The following FOSB variants were observed in gnomAD, a reference collection of about 807,000 sequenced individuals.
FOSB encodes protein FosB.
In FOSB, 8 loss-of-function variants were observed where a neutral mutation model predicts 31.1. The observed-to-expected ratio is 0.26, with a 90% confidence interval of 0.15 to 0.46. FOSB has a LOEUF of 0.46. FOSB is among the 20% of genes least tolerant of loss of function. The probability of loss-of-function intolerance (pLI) is 0.99; values close to 1 mark genes in which losing one functional copy is unlikely to be tolerated. For synonymous variants in FOSB, 214 were observed against 206.1 expected, an observed-to-expected ratio of 1.04 and a Z score of -0.33; for missense variants, 376 against 460.6, an observed-to-expected ratio of 0.82 and a Z score of 1.68.
rs376676928 is a variant in FOSB, at chr19:45,470,984, G to A, written c.447+35G>A. 4 of 1,600,662 alleles carry A rather than the reference G, an allele frequency of 2.5e-6. No homozygotes were observed. In the African/African-American group the frequency reaches 4.0e-5, roughly 16 times the overall value. On this transcript the variant is annotated intron_variant, in intron 2 of 3. Transcript: ENST00000353609. ...GGACATCAGAACTTGGCCTGGGTAGGGGGAAGCAAGAGAGGCAGGAAGTTT... is the reference window on the plus strand; with the variant it reads ...GGACATCAGAACTTGGCCTGGGTAGAGGGAAGCAAGAGAGGCAGGAAGTTT...
chr19:45,468,385 G>A lies in FOSB; in HGVS notation c.-202G>A. The A allele has an allele frequency of 3.3e-6, 2 of 614,798 alleles. No individual in the cohort carries two copies. The highest frequency in any genetic ancestry group is 2.9e-6 in the Non-Finnish European group (1 of 349,084). The allele number at this position is 614,798 out of a possible 1,614,324, so 38.1% of individuals were successfully genotyped here. A position where few individuals can be genotyped will look rare whatever the true frequency, so the allele number is the denominator to read the frequency against. ...GGGGCCTGGGCACCGCAGGAAGACT[G>A]CACAGAAACTTTGCCATTGTTGGAA... On this transcript the variant is annotated 5_prime_UTR_variant, in exon 1 of 4. Coordinates refer to ENST00000353609, the MANE Select transcript of FOSB (RefSeq NM_006732.3). This position sits in a 1 kb window ranked among gnomAD's most constrained non-coding sequence, Gnocchi z 4.8.
Position 45,468,399 on chromosome 19 carries a change from C to T in FOSB, c.-188C>T, listed in dbSNP as rs940556205. The T allele has an allele frequency of 1.4e-4, 90 of 642,340 alleles. No individual in the cohort carries two copies. Among genetic ancestry groups the T allele is most frequent in the Non-Finnish European group, 1.9e-4 (71 of 367,776 alleles). The allele number at this position is 642,340 out of a possible 1,614,324, so 39.8% of individuals were successfully genotyped here. Reference sequence around the variant, plus strand: ...GCAGGAAGACTGCACAGAAACTTTGCCATTGTTGGAACGGGACGTTGCTCC... The same window carrying T: ...GCAGGAAGACTGCACAGAAACTTTGTCATTGTTGGAACGGGACGTTGCTCC... On this transcript the variant is annotated 5_prime_UTR_variant, in exon 1 of 4. Coordinates refer to ENST00000353609, the MANE Select transcript of FOSB (RefSeq NM_006732.3). The surrounding 1 kb of genome is among the most constrained non-coding windows in gnomAD (Gnocchi z 4.8).
Position 45,470,752 on chromosome 19 carries a change from G to A in FOSB, c.250G>A (p.Gly84Arg). Residue 84 changes from glycine (G) to arginine (R), a missense_variant, in exon 2 of 4, where the codon GGG becomes AGG. By Grantham distance (125) the Gly-to-Arg change is moderately radical (BLOSUM62 -2). Coordinates refer to ENST00000353609, the MANE Select transcript of FOSB (RefSeq NM_006732.3). Reference sequence around the variant, plus strand: ...CATCTCTTCCATGGCCCAGTCCCAGGGGCAGCCACTGGCCTCCCAGCCCCC... The same window carrying A: ...CATCTCTTCCATGGCCCAGTCCCAGAGGCAGCCACTGGCCTCCCAGCCCCC... ...TLISSMAQSQ[G>R]QPLASQPPVV... is the part of the protein sequence containing the mutation. 3.7e-6 allele frequency: 6 copies of A among 1,613,628 alleles called. No homozygotes were observed. Among genetic ancestry groups the A allele is most frequent in the Non-Finnish European group, 5.1e-6 (6 of 1,180,018 alleles).
rs761975465 is a variant in FOSB at position 45,471,184 on chromosome 19, C to T, written c.448-10C>T. ...CCCCAAATCTCATGGCCTCTATCTC[C>T]CTGACTCAGCTCACCCCAGAGGAAG... On this transcript the variant is annotated splice_polypyrimidine_tract_variant and intron_variant, in intron 2 of 3. Transcript: ENST00000353609. The T allele has an allele frequency of 3.2e-6, 5 of 1,554,872 alleles. No homozygotes were observed. In the South Asian group the frequency reaches 5.9e-5, roughly 18 times the overall value.
In FOSB at chr19:45,472,520, C is replaced by T; in HGVS notation, c.556-31C>T. ...ACATGCTTTTTTCTCCTTCCTCTCTCTCTTCTGTGACCTGGCCTCCCTGGC... is the reference window on the plus strand; with the variant it reads ...ACATGCTTTTTTCTCCTTCCTCTCTTTCTTCTGTGACCTGGCCTCCCTGGC... On this transcript the variant is annotated intron_variant, in intron 3 of 3. Transcript: ENST00000353609. This position sits in a 1 kb window ranked among gnomAD's most constrained non-coding sequence, Gnocchi z 5.4. 1 of 1,472,914 alleles carries T rather than the reference C, an allele frequency of 6.8e-7. No individual in the cohort carries two copies. The highest frequency in any genetic ancestry group is 2.4e-5 in the East Asian group (1 of 41,924). The allele number at this position is 1,472,914 out of a possible 1,614,324, so 91.2% of individuals were successfully genotyped here. A position where few individuals can be genotyped will look rare whatever the true frequency, so the allele number is the denominator to read the frequency against.
In FOSB at chr19:45,473,441, A is replaced by G. The variant is rs778090636; in HGVS notation, c.*429A>G. On this transcript the variant is annotated 3_prime_UTR_variant, in exon 4 of 4. Coordinates refer to ENST00000353609, the MANE Select transcript of FOSB (RefSeq NM_006732.3). ...GGAGTCCTCTCCAGAGAGGCTCAAC[A>G]AGGAAAAATGCCACTCCCTACCCAA... 14 of 178,818 alleles carry G rather than the reference A, an allele frequency of 7.8e-5. No homozygotes were observed. The highest frequency in any genetic ancestry group is 1.5e-4 in the Non-Finnish European group (13 of 85,388). 11.1% of individuals were successfully genotyped at this position (178,818 alleles called of 1,614,324 possible).
Position 45,471,221 on chromosome 19 carries a change from A to C in FOSB, c.475A>C (p.Arg159=). 2 of 1,566,968 alleles carry C rather than the reference A, an allele frequency of 1.3e-6. No individual in the cohort carries two copies. The highest frequency in any genetic ancestry group is 2.3e-5 in the South Asian group (2 of 85,118). Residue 159 remains arginine, a synonymous_variant, in exon 3 of 4, where the codon AGG becomes CGG. Coordinates refer to ENST00000353609, the MANE Select transcript of FOSB (RefSeq NM_006732.3). ...TLTPEEEEKR[R]VRRERNKLAA... is the part of the protein sequence containing the mutation. ...CACCCCAGAGGAAGAGGAGAAGCGA[A>C]GGGTGCGCCGGGAACGAAATAAACT...
intron 1 of FOSB, among the ~76,000 whole-genome samples, chr19:45,469,357 A>T (rs1411618860): frequency 1.3e-5 from 2 of 152,136 alleles, no homozygotes; most frequent in South Asian, 2.1e-4. Flanking sequence ...CGCCGGGGCC[A>T]CGTTGCTAAG....
Position 45,470,878 on chromosome 19 carries a change from A to G in FOSB, c.376A>G (p.Ser126Gly), listed in dbSNP as rs1436314809. The change falls in exon 2 of 4, where the codon AGC becomes GGC. Residue 126 changes from serine (S) to glycine (G), a missense_variant. Transcript: ENST00000353609. The part of the protein sequence containing the change: ...GASGSGGPST[S>G]GTTSGPGPAR... ...GAGTGGCAGTGGTGGGCCTTCCACC[A>G]GCGGAACTACCAGTGGGCCTGGGCC... The G allele has an allele frequency of 6.2e-7, 1 of 1,613,976 alleles. No homozygotes were observed. Among genetic ancestry groups the G allele is most frequent in the Non-Finnish European group, 8.5e-7 (1 of 1,180,022 alleles).
At chr19:45,471,336 T>A in intron 3 of FOSB, 35 bp downstream of exon 3, 1 of 1,400,468 alleles carries the variant, frequency 7.1e-7, no homozygotes, top group Non-Finnish European at 9.9e-7. Context: ...GAGGGGATGT[T>A]GAGGGGAGCT....
chr19:45,468,421 C>T lies in FOSB; in HGVS notation c.-166C>T, dbSNP rs930526962. ...TTGCCATTGTTGGAACGGGACGTTG[C>T]TCCTTCCCCGAGCTTCCCCGGACAG... On this transcript the variant is annotated 5_prime_UTR_variant, in exon 1 of 4. Transcript: ENST00000353609. The surrounding 1 kb of genome is among the most constrained non-coding windows in gnomAD (Gnocchi z 4.8). 2.6e-5 allele frequency: 19 copies of T among 721,010 alleles called. 1 individual carries two copies. The South Asian group carries it at 2.7e-4, about 10-fold the overall frequency. The allele number at this position is 721,010 out of a possible 1,614,324, so 44.7% of individuals were successfully genotyped here. A position where few individuals can be genotyped will look rare whatever the true frequency, so the allele number is the denominator to read the frequency against.
At position 45,471,199 on chromosome 19, in the gene FOSB, C is replaced by T. The variant is rs533059766; in HGVS notation, c.453C>T (p.Thr151=). The T allele has an allele frequency of 6.1e-5, 95 of 1,561,594 alleles. No individual in the cohort carries two copies. In the East Asian group the frequency reaches 2.1e-3, roughly 34 times the overall value. ...CCTCTATCTCCCTGACTCAGCTCAC[C>T]CCAGAGGAAGAGGAGAAGCGAAGGG... ...RPRRPREETL[T]PEEEEKRRVR... The change falls in exon 3 of 4, where the codon ACC becomes ACT. Residue 151 remains threonine (T), a synonymous_variant. Transcript: ENST00000353609.
rs1967703187 is a variant in FOSB, at chr19:45,472,207, T to TG, written c.556-339dup. The TG allele has an allele frequency of 5.2e-6, 1 of 190,744 alleles. No homozygotes were observed. The highest frequency in any genetic ancestry group is 1.6e-4 in the South Asian group (1 of 6,242). 11.8% of individuals were successfully genotyped at this position (190,744 alleles called of 1,614,324 possible). A position where few individuals can be genotyped will look rare whatever the true frequency, so the allele number is the denominator to read the frequency against. On this transcript the variant is annotated intron_variant, in intron 3 of 3. Coordinates refer to ENST00000353609, the MANE Select transcript of FOSB (RefSeq NM_006732.3). This position sits in a 1 kb window ranked among gnomAD's most constrained non-coding sequence, Gnocchi z 5.4. The stretch of plus-strand genomic sequence containing the variant: ...ATGATTGCACTATTGCACTCCAGCC[T>TG]GGGGGACAGAGCGAGACTCTGGCTC...
rs368230767 is a variant in FOSB, at chr19:45,474,612, A to ATGTGTG, written c.*1607_*1612dup. ...GTATAAGTAAATATATTATATATGG[A>ATGTGTG]TGTGTGTGTGTGCGTGCGCGTGAGT... On this transcript the variant is annotated 3_prime_UTR_variant, in exon 4 of 4. Transcript: ENST00000353609. The ATGTGTG allele has an allele frequency of 6.6e-6, 1 of 151,978 alleles. No homozygotes were observed. The highest frequency in any genetic ancestry group is 2.4e-5 in the African/African-American group (1 of 41,208). 9.4% of individuals were successfully genotyped at this position (151,978 alleles called of 1,614,324 possible).
rs1264369356 is a variant in FOSB, at chr19:45,472,148, G to A, written c.556-403G>A. ...CTATGGAGGCTTTAGTGGGAGGATCGCTTGAGCCGAGGAGGTCCAGGCTGC... is the reference window on the plus strand; with the variant it reads ...CTATGGAGGCTTTAGTGGGAGGATCACTTGAGCCGAGGAGGTCCAGGCTGC... On this transcript the variant is annotated intron_variant, in intron 3 of 3. Coordinates refer to ENST00000353609, the MANE Select transcript of FOSB (RefSeq NM_006732.3). The surrounding 1 kb of genome is among the most constrained non-coding windows in gnomAD (Gnocchi z 5.4). 1.3e-5 allele frequency: 2 copies of A among 157,898 alleles called. No homozygotes were observed. The highest frequency in any genetic ancestry group is 2.8e-5 in the Non-Finnish European group (2 of 72,144). The allele number at this position is 157,898 out of a possible 1,614,324, so 9.8% of individuals were successfully genotyped here.
Position 45,473,146 on chromosome 19 carries a change from C to G in FOSB, c.*134C>G. Reference sequence around the variant, plus strand: ...GCCTCCCTGGCTCCTCCGTCTGACCCTCTGCGGCCACTGCGCCACTGCCAT... The same window carrying G: ...GCCTCCCTGGCTCCTCCGTCTGACCGTCTGCGGCCACTGCGCCACTGCCAT... On this transcript the variant is annotated 3_prime_UTR_variant, in exon 4 of 4. Coordinates refer to ENST00000353609, the MANE Select transcript of FOSB (RefSeq NM_006732.3). The G allele has an allele frequency of 2.6e-6, 2 of 765,502 alleles. No individual in the cohort carries two copies. Among genetic ancestry groups the G allele is most frequent in the East Asian group, 2.6e-5 (1 of 38,186 alleles). The allele number at this position is 765,502 out of a possible 1,614,324, so 47.4% of individuals were successfully genotyped here.
chr19:45,470,390 T>A, intron 1 of FOSB: 1 of 546,462 alleles, frequency 1.8e-6, no homozygotes. Context: ...CCGTGCAACC[T>A]TTCCCCGAGG....
intron 2 of FOSB, 84 bp from the exon 3 acceptor site, chr19:45,471,110 G>A (rs1364663426): frequency 7.1e-7 from 1 of 1,405,002 alleles, no homozygotes; most frequent in African/African-American, 1.4e-5. Flanking sequence ...TTGGCTCTTG[G>A]GGGTTCTGAA....
rs753121228 is a variant in FOSB, at chr19:45,468,678, C to T, written c.92C>T (p.Ser31Phe). ...TCTCAATATCTGTCTTCGGTGGACTCCTTCGGCAGTCCACCCACCGCCGCC... is the reference window on the plus strand; with the variant it reads ...TCTCAATATCTGTCTTCGGTGGACTTCTTCGGCAGTCCACCCACCGCCGCC... ...AESQYLSSVD[S>F]FGSPPTAAAS... The change falls in exon 1 of 4, where the codon TCC becomes TTC. Residue 31 changes from serine to phenylalanine, a missense_variant. This residue lies in a region of FOSB where 193 missense variants were observed against 207.1 expected (regional missense o/e 0.93). Coordinates refer to ENST00000353609, the MANE Select transcript of FOSB (RefSeq NM_006732.3). The surrounding 1 kb of genome is among the most constrained non-coding windows in gnomAD (Gnocchi z 4.8). 15 of 1,611,844 alleles carry T rather than the reference C, an allele frequency of 9.3e-6. No homozygotes were observed. The highest frequency in any genetic ancestry group is 1.3e-5 in the Non-Finnish European group (15 of 1,179,290).
Sources: allele counts gnomAD v4.1 joint callset (sites outside exome capture counted in the v4.1 genomes callset), GRCh38; gene constraint gnomAD v4.1.1; regional missense constraint gnomAD v4.1.1; non-coding constraint Gnocchi (gnomAD v3.1); transcripts MANE v1.5; gene names NCBI Gene and HGNC (gene_info 2026-07-23, HGNC 2026-07-21).